The following PCDHA13 variants were observed in gnomAD, a reference collection of about 807,000 sequenced individuals.
PCDHA13 encodes protocadherin alpha-13.
Under a neutral mutation model 64.8 loss-of-function variants are expected in PCDHA13, and 54 were observed. The observed-to-expected ratio is 0.83, with a 90% confidence interval of 0.67 to 1.04. The LOEUF (loss-of-function observed/expected upper bound fraction) is 1.04, where lower values mean the gene tolerates loss of function less well. PCDHA13 is among the 50% of genes least tolerant of loss of function. The pLI is 0.00. For synonymous variants in PCDHA13, 587 were observed against 564.4 expected (o/e 1.04, Z -0.57); for missense variants, 1,248 against 1,254.3 (o/e 0.99, Z 0.08).
At chr5:140,968,569 C>A in intron 1 of PCDHA13, 1 of 1,614,204 alleles carries the variant, frequency 6.2e-7, no homozygotes, top group Middle Eastern at 1.7e-4. Flanking sequence ...CCCCTGCTGG[C>A]TACCTGGTCA....
rs572664608 is a variant in PCDHA13 at position 140,918,936 on chromosome 5, T to C, written c.2394+34274T>C. 6.0e-4 allele frequency among the ~76,000 whole-genome samples: 92 copies of C among 152,342 alleles called. 2 individuals are homozygous for C. Among genetic ancestry groups the C allele is most frequent in the Admixed American group, 5.2e-3 (80 of 15,310 alleles). On this transcript the variant is annotated intron_variant, in intron 1 of 3. Transcript: ENST00000289272. ...AACTACACAGCATATGGCATTTTGT[T>C]ATAATATCCTGAACAGACTAAGACA...
intron 1 of PCDHA13, among the ~76,000 whole-genome samples, chr5:140,962,475 T>C (rs772721001): frequency 2.0e-5 from 3 of 152,232 alleles, no homozygotes; most frequent in Non-Finnish European, 4.4e-5. Context: ...TCTCTTTGTT[T>C]ATTCTAAGCA....
chr5:141,007,722 A>G (rs559470783), intron 3 of PCDHA13, among the ~76,000 whole-genome samples: 30 of 152,290 alleles, frequency 2.0e-4, no homozygotes, highest in African/African-American at 6.5e-4. Flanking sequence ...ACCAGGGAGA[A>G]CAAAGGTTAA....
chr5:140,928,893 T>C (rs1554206469), intron 1 of PCDHA13: 1 of 1,614,052 alleles, frequency 6.2e-7, no homozygotes, highest in African/African-American at 1.3e-5. Flanking sequence ...TTCCAGACTT[T>C]GAAGATGTCT....
chr5:140,889,720 T>C (rs1259294888), intron 1 of PCDHA13, among the ~76,000 whole-genome samples: 1 of 152,240 alleles, frequency 6.6e-6, no homozygotes, highest in African/African-American at 2.4e-5. Context: ...TCTTTGCTAC[T>C]GTCTCACTGA....
intron 1 of PCDHA13, among the ~76,000 whole-genome samples, chr5:140,977,965 C>T (rs782117847): frequency 3.3e-5 from 5 of 152,150 alleles, no homozygotes; most frequent in Non-Finnish European, 5.9e-5. Context: ...CCTCAATCTC[C>T]GCCCATGAAA....
intron 3 of PCDHA13, among the ~76,000 whole-genome samples, chr5:140,993,190 CTCACTAAAGCTAATTTTTT>C (rs2097544277): frequency 6.6e-6 from 1 of 152,022 alleles, no homozygotes; most frequent in Non-Finnish European, 1.5e-5. Flanking sequence ...TAGAGGGAAA[CTCACTAAAGCTAATTTTTT>C]TAGCTTTTTG....
At chr5:140,907,591 C>T (rs539639384) in intron 1 of PCDHA13, among the ~76,000 whole-genome samples, 10 of 152,294 alleles carry the variant, frequency 6.6e-5, no homozygotes, top group African/African-American at 2.4e-4. Flanking sequence ...GGCTGATCAC[C>T]CTGAGGAATG....
rs556593659 is a variant in PCDHA13, at chr5:140,966,652, G to A, written c.2395-12297G>A. ...CCCAGGCGCTTTCTAGAGCGTGAGC[G>A]GTGGGGGAGCAGGCGCAGGGTGGCA... On this transcript the variant is annotated intron_variant, in intron 1 of 3. Coordinates refer to ENST00000289272, the MANE Select transcript of PCDHA13 (RefSeq NM_018904.3). 1.0e-5 allele frequency: 12 copies of A among 1,169,200 alleles called. No homozygotes were observed. In the Admixed American group the frequency reaches 2.0e-4, roughly 19 times the overall value. The allele number at this position is 1,169,200 out of a possible 1,614,324, so 72.4% of individuals were successfully genotyped here.
In PCDHA13 at chr5:140,941,719, C is replaced by G. The variant is rs76426901; in HGVS notation, c.2395-37230C>G. 1.5e-4 allele frequency among the ~76,000 whole-genome samples: 23 copies of G among 152,260 alleles called. No individual in the cohort carries two copies. The East Asian group carries it at 4.0e-3, about 27-fold the overall frequency. ...GGCTTAGCTTTCCTCCACAATTTGT[C>G]CTAGCAGTTCCCCATTATCTTATCA... is the stretch of plus-strand genomic sequence containing the variant. On this transcript the variant is annotated intron_variant, in intron 1 of 3. Coordinates refer to ENST00000289272, the MANE Select transcript of PCDHA13 (RefSeq NM_018904.3).
At chr5:140,903,616 T>C (rs1053634742) in intron 1 of PCDHA13, among the ~76,000 whole-genome samples, 72 of 152,338 alleles carry the variant, frequency 4.7e-4, no homozygotes, top group African/African-American at 1.7e-3. Context: ...CACATGAATG[T>C]GCATGCATAT....
intron 1 of PCDHA13, among the ~76,000 whole-genome samples, chr5:140,914,744 T>C (rs989394283): frequency 6.6e-6 from 1 of 152,280 alleles, no homozygotes; most frequent in Non-Finnish European, 1.5e-5. Context: ...TGTATGTTTT[T>C]CCATTTGAGG....
At position 140,905,743 on chromosome 5, in the gene PCDHA13, C is replaced by G. The variant is rs550937383; in HGVS notation, c.2394+21081C>G. On this transcript the variant is annotated intron_variant, in intron 1 of 3. Coordinates refer to ENST00000289272, the MANE Select transcript of PCDHA13 (RefSeq NM_018904.3). ...GTTTTGTAGTTTTCCTTGTAGAGAT[C>G]TTTCACCTCCTTGGTTAAGTATATT... Among the ~76,000 whole-genome samples, 7 of 152,232 alleles carry G rather than the reference C, an allele frequency of 4.6e-5. No individual in the cohort carries two copies. In the South Asian group the frequency reaches 1.0e-3, roughly 23 times the overall value.
intron 1 of PCDHA13, among the ~76,000 whole-genome samples, chr5:140,904,904 C>T (rs1463349424): frequency 6.6e-6 from 1 of 151,948 alleles, no homozygotes; most frequent in East Asian, 1.9e-4. Context: ...GTTTTTCTTA[C>T]TGATTTGTTT....
In PCDHA13 at chr5:141,005,148, G is replaced by T. The variant is rs528805353; in HGVS notation, c.2543-4479G>T. The stretch of plus-strand genomic sequence containing the variant: ...AAGTGCCTCATTGGAGAGTTGTTTG[G>T]TCTGCTAAAGAGTGGGTACCACTTT... On this transcript the variant is annotated intron_variant, in intron 3 of 3. Transcript: ENST00000289272. 3.3e-5 allele frequency among the ~76,000 whole-genome samples: 5 copies of T among 152,328 alleles called. No individual in the cohort carries two copies. The South Asian group carries it at 1.0e-3, about 32-fold the overall frequency.
At chr5:140,997,993 C>T (rs1356544638) in intron 3 of PCDHA13, among the ~76,000 whole-genome samples, 1 of 152,082 alleles carries the variant, frequency 6.6e-6, no homozygotes, top group Non-Finnish European at 1.5e-5. Flanking sequence ...TACATACTTC[C>T]CTCTGAGCCT....
intron 1 of PCDHA13, among the ~76,000 whole-genome samples, chr5:140,932,231 A>G (rs2088135026): frequency 6.6e-6 from 1 of 151,848 alleles, no homozygotes; most frequent in African/African-American, 2.4e-5. Context: ...AATTTTTTAG[A>G]ATGGTATCTA....
chr5:140,949,537 C>T (rs1359504503), intron 1 of PCDHA13, among the ~76,000 whole-genome samples: 4 of 151,692 alleles, frequency 2.6e-5, no homozygotes, highest in African/African-American at 7.3e-5. Context: ...CATAAAATAT[C>T]GATTTGTTGC....
At chr5:141,003,536 C>T (rs1409675219) in intron 3 of PCDHA13, among the ~76,000 whole-genome samples, 1 of 152,152 alleles carries the variant, frequency 6.6e-6, no homozygotes, top group Non-Finnish European at 1.5e-5. Context: ...TGGTCTTGAA[C>T]TCCTGGCTTC....
Sources: allele counts gnomAD v4.1 joint callset (sites outside exome capture counted in the v4.1 genomes callset), GRCh38; gene constraint gnomAD v4.1.1; transcripts MANE v1.5; gene names NCBI Gene and HGNC (gene_info 2026-07-23, HGNC 2026-07-21).